The following XDH variants were observed in gnomAD, a reference collection of about 807,000 sequenced individuals.
The protein encoded by XDH is xanthine dehydrogenase, also known as xanthine dehydrogenase/oxidase.
In XDH, 138 loss-of-function variants were observed where a neutral mutation model predicts 156.1. The observed-to-expected ratio is 0.88, with a 90% confidence interval of 0.77 to 1.02. The LOEUF (loss-of-function observed/expected upper bound fraction) is 1.02. Among genes scored for constraint, XDH ranks in the 50% least tolerant of loss-of-function variants. The pLI is 0.00. For synonymous variants in XDH, 669 were observed against 625.7 expected (o/e 1.07, Z -1.03); for missense variants, 1,849 against 1,684.9 (o/e 1.10, Z -1.71).
chr2:31,405,907 A>G lies in XDH; in HGVS notation c.100T>C (p.Leu34=), dbSNP rs774580992. 1.2e-6 allele frequency: 2 copies of G among 1,614,140 alleles called. No individual in the cohort carries two copies. The highest frequency in any genetic ancestry group is 8.5e-7 in the Non-Finnish European group (1 of 1,180,022). ...CACTCCCACTCCAAAGTCAGGATAC[A>G]CTTTCTTCTCAGGTAGGCCAAAAGG... is the stretch of plus-strand genomic sequence containing the variant. The part of the protein sequence containing the change: ...TTLLAYLRRK[L]GLSGTKLGCG... Residue 34 remains leucine, a splice_region_variant and synonymous_variant, in exon 2 of 36, where the codon TTG becomes CTG. Coordinates refer to ENST00000379416, the MANE Select transcript of XDH (RefSeq NM_000379.4).
At chr2:31,365,284 T>C (rs1008869678) in intron 23 of XDH, among the ~76,000 whole-genome samples, 173 bp downstream of exon 23, 2 of 152,220 alleles carry the variant, frequency 1.3e-5, no homozygotes, top group African/African-American at 4.8e-5. Context: ...CCCTCAGCAC[T>C]ACCTTTCTGT....
chr2:31,384,537 T>G (rs1186734002), intron 9 of XDH: 1 of 154,630 alleles, frequency 6.5e-6, no homozygotes, highest in African/African-American at 2.4e-5. Flanking sequence ...CTGGCCTTCC[T>G]GACTAAATGA....
At chr2:31,391,056 C>T (rs897965989) in intron 6 of XDH, among the ~76,000 whole-genome samples, 1 of 152,094 alleles carries the variant, frequency 6.6e-6, no homozygotes, top group Non-Finnish European at 1.5e-5. Flanking sequence ...ATCATCATTC[C>T]AAGGTCATCT....
chr2:31,413,699 G>C lies in XDH; in HGVS notation c.42+926C>G, dbSNP rs548637039. Among the ~76,000 whole-genome samples, 14 of 152,212 alleles carry C rather than the reference G, an allele frequency of 9.2e-5. 1 individual carries two copies. The South Asian group carries it at 2.9e-3, about 32-fold the overall frequency. ...GACAAATAAAATTGCCCTTCTTTGG[G>C]GGACACTTTGGGCACATTCATCACG... On this transcript the variant is annotated intron_variant, in intron 1 of 35. Transcript: ENST00000379416.
chr2:31,411,828 T>A (rs1281686423), intron 1 of XDH, among the ~76,000 whole-genome samples: 1 of 152,246 alleles, frequency 6.6e-6, no homozygotes, highest in East Asian at 1.9e-4. Context: ...AACTAGTATA[T>A]GGGCTCCAGA....
At chr2:31,353,396 C>A (rs1370336007) in intron 24 of XDH, among the ~76,000 whole-genome samples, 1 of 152,166 alleles carries the variant, frequency 6.6e-6, no homozygotes, top group Non-Finnish European at 1.5e-5. Flanking sequence ...GAGACTTTCA[C>A]TTCCATACTT....
At chr2:31,341,511 C>A (rs1166521331) in intron 32 of XDH, 117 bp from the exon 33 acceptor site, 13 of 1,068,396 alleles carry the variant, frequency 1.2e-5, no homozygotes, top group Non-Finnish European at 1.7e-5. Context: ...CGTTCCCAAG[C>A]AGAAAGCCCT....
intron 4 of XDH, among the ~76,000 whole-genome samples, chr2:31,400,460 C>T (rs1687027538): frequency 6.6e-6 from 1 of 152,016 alleles, no homozygotes; most frequent in Non-Finnish European, 1.5e-5. Flanking sequence ...AGGATAGTCT[C>T]GATCTCCCAA....
At chr2:31,336,580 G>T (rs921615075) in intron 35 of XDH, among the ~76,000 whole-genome samples, 1 of 151,888 alleles carries the variant, frequency 6.6e-6, no homozygotes, top group Middle Eastern at 3.4e-3. Flanking sequence ...CTGCACAGAT[G>T]TGGGCATCTT....
At chr2:31,373,395 G>A (rs1686131359) in intron 16 of XDH, among the ~76,000 whole-genome samples, 1 of 152,162 alleles carries the variant, frequency 6.6e-6, no homozygotes, top group Admixed American at 6.5e-5. Context: ...TGTTTTTCCT[G>A]TGGCTGCTTT....
chr2:31,386,286 G>T, intron 9 of XDH, 128 bp downstream of exon 9: 2 of 1,282,018 alleles, frequency 1.6e-6, no homozygotes, highest in Non-Finnish European at 1.1e-6. Flanking sequence ...TGGGCTCCAG[G>T]TAGTCAGTGG....
At chr2:31,368,202 G>A in intron 19 of XDH, 145 bp from the exon 20 acceptor site, 1 of 813,784 alleles carries the variant, frequency 1.2e-6, no homozygotes, top group South Asian at 1.4e-5. Context: ...CAGACTTGAA[G>A]TAAGCTCTAC....
At chr2:31,392,181 C>T (rs920908414) in intron 6 of XDH, among the ~76,000 whole-genome samples, 22 of 151,726 alleles carry the variant, frequency 1.4e-4, no homozygotes, top group Non-Finnish European at 2.4e-4. Context: ...TAACTTGGAT[C>T]TTCTCTTTTT....
chr2:31,388,332 C>T, intron 6 of XDH, 37 bp from the exon 7 acceptor site: 1 of 1,606,806 alleles, frequency 6.2e-7, no homozygotes, highest in Non-Finnish European at 8.5e-7. Flanking sequence ...AGGGTATTTA[C>T]AAAGAGTATT....
chr2:31,347,796 A>G (rs931992075), intron 28 of XDH, 146 bp from the exon 29 acceptor site: 4 of 1,140,594 alleles, frequency 3.5e-6, no homozygotes, highest in South Asian at 1.6e-5. Context: ...ATGTCCTTAC[A>G]TCTGGCTGAA....
intron 35 of XDH, 58 bp from the exon 36 acceptor site, chr2:31,336,066 T>C (rs913270663): frequency 1.3e-6 from 2 of 1,567,556 alleles, no homozygotes; most frequent in Admixed American, 1.7e-5. Context: ...CTCCTCCCAC[T>C]CTCTTGCATA....
At chr2:31,338,811 C>A (rs1685043142) in intron 34 of XDH, among the ~76,000 whole-genome samples, 1 of 144,580 alleles carries the variant, frequency 6.9e-6, no homozygotes, top group African/African-American at 2.5e-5. Flanking sequence ...GCAGCCTCTG[C>A]CTCCCAGGTT....
chr2:31,412,809 A>G (rs1252573697), intron 1 of XDH, among the ~76,000 whole-genome samples: 1 of 152,202 alleles, frequency 6.6e-6, no homozygotes, highest in Non-Finnish European at 1.5e-5. Flanking sequence ...TTGCTTTCAC[A>G]TAATTACTTT....
intron 24 of XDH, among the ~76,000 whole-genome samples, chr2:31,356,002 G>A (rs1685613290): frequency 6.6e-6 from 1 of 152,152 alleles, no homozygotes; most frequent in South Asian, 2.1e-4. Flanking sequence ...AGACTTCAGA[G>A]CAAATACAAT....
Sources: allele counts gnomAD v4.1 joint callset (sites outside exome capture counted in the v4.1 genomes callset), GRCh38; gene constraint gnomAD v4.1.1; transcripts MANE v1.5; gene names NCBI Gene and HGNC (gene_info 2026-07-23, HGNC 2026-07-21).